The following NAV2 variants were observed in gnomAD, a reference collection of about 807,000 sequenced individuals.
The protein encoded by NAV2 is helicase, APC down-regulated 1.
In NAV2, 54 loss-of-function variants were observed where a neutral mutation model predicts 223.2. The ratio of observed to expected loss-of-function variants is 0.24; its 90% confidence interval spans 0.19 to 0.30. The LOEUF (loss-of-function observed/expected upper bound fraction) is 0.30, where lower values mean the gene tolerates loss of function less well. Among genes scored for constraint, NAV2 ranks in the 10% least tolerant of loss-of-function variants. NAV2 has a pLI of 1.00. For synonymous variants in NAV2, 1,279 were observed against 1,239.3 expected, an observed-to-expected ratio of 1.03 and a Z score of -0.67; for missense variants, 2,806 against 3,147.5, an observed-to-expected ratio of 0.89 and a Z score of 2.60.
chr11:19,712,972 A>G lies in NAV2; in HGVS notation c.-724A>G, dbSNP rs1319486384. Among the ~76,000 whole-genome samples the G allele has an allele frequency of 6.6e-6, 1 of 151,986 alleles. No homozygotes were observed. Among genetic ancestry groups the G allele is most frequent in the African/African-American group, 2.4e-5 (1 of 41,424 alleles). ...GCCCCACGGCCACAGCCTTGCCTCT[A>G]TCTAGCTCACGGAGCATGTGCAGAC... On this transcript the variant is annotated 5_prime_UTR_variant, in exon 1 of 38. Transcript: ENST00000349880.
intron 1 of NAV2, among the ~76,000 whole-genome samples, chr11:19,629,870 G>C (rs988133461): frequency 6.6e-6 from 1 of 152,124 alleles, no homozygotes; most frequent in East Asian, 1.9e-4. Flanking sequence ...CTCCAGCTCT[G>C]GCTAAGTCCT....
chr11:19,965,070 C>T (rs933929838), intron 10 of NAV2, among the ~76,000 whole-genome samples: 3 of 152,084 alleles, frequency 2.0e-5, no homozygotes, highest in African/African-American at 7.2e-5. Flanking sequence ...CCACCCCACT[C>T]AGCCTCCCAA....
chr11:19,454,172 G>T (rs1402983804), intron 1 of NAV2, among the ~76,000 whole-genome samples: 1 of 152,212 alleles, frequency 6.6e-6, no homozygotes, highest in Non-Finnish European at 1.5e-5. Context: ...CAAGTCCCAA[G>T]TTGGAGCACA....
intron 30 of NAV2, among the ~76,000 whole-genome samples, chr11:20,097,136 G>T (rs1218556860): frequency 1.3e-5 from 2 of 152,174 alleles, no homozygotes; most frequent in Admixed American, 6.5e-5. Flanking sequence ...TTTTCTAGCA[G>T]TCTGCATTTT....
At chr11:19,638,188 C>T (rs897345803) in intron 1 of NAV2, among the ~76,000 whole-genome samples, 1 of 152,140 alleles carries the variant, frequency 6.6e-6, no homozygotes, top group African/African-American at 2.4e-5. Context: ...CACGATTGAT[C>T]CAGGAGTGAG....
chr11:19,835,814 T>C (rs1172356623), intron 2 of NAV2, among the ~76,000 whole-genome samples: 2 of 151,972 alleles, frequency 1.3e-5, no homozygotes, highest in Non-Finnish European at 2.9e-5. Context: ...TTTCCCAGAA[T>C]TGGAATCTTA....
intron 1 of NAV2, among the ~76,000 whole-genome samples, chr11:19,762,642 T>C (rs1047756130): frequency 7.3e-6 from 1 of 136,824 alleles, no homozygotes; most frequent in African/African-American, 2.7e-5. Context: ...TGAGATGACA[T>C]CTCACTCTGT....
chr11:19,550,978 A>G (rs2134647555), intron 1 of NAV2, among the ~76,000 whole-genome samples: 1 of 152,380 alleles, frequency 6.6e-6, no homozygotes, highest in Admixed American at 6.5e-5. Context: ...AGGTATAAAG[A>G]TGACTGCAAA....
intron 3 of NAV2, among the ~76,000 whole-genome samples, chr11:19,844,104 C>T: frequency 6.6e-6 from 1 of 152,124 alleles, no homozygotes; most frequent in Admixed American, 6.5e-5. Context: ...TAGGAAAGTC[C>T]CCAGGCTGAC....
intron 1 of NAV2, among the ~76,000 whole-genome samples, chr11:19,602,270 C>T (rs910395024): frequency 2.6e-5 from 4 of 151,652 alleles, no homozygotes; most frequent in Admixed American, 1.3e-4. Flanking sequence ...CTCCGCCTCC[C>T]GAGTTCAGGC....
chr11:19,556,396 C>T (rs2044891548), intron 1 of NAV2, among the ~76,000 whole-genome samples: 1 of 152,176 alleles, frequency 6.6e-6, no homozygotes, highest in Admixed American at 6.6e-5. Flanking sequence ...CTGACTGCAA[C>T]AATATGAACG....
At chr11:19,397,424 C>CGCGT (rs1564904910) in intron 1 of NAV2, among the ~76,000 whole-genome samples, 3 of 33,204 alleles carry the variant, frequency 9.0e-5, no homozygotes, top group East Asian at 2.4e-3. Context: ...TGTGTGCGCG[C>CGCGT]ATGTGTGTGT....
intron 1 of NAV2, among the ~76,000 whole-genome samples, chr11:19,704,608 A>G (rs1444328599): frequency 1.3e-5 from 2 of 152,218 alleles, no homozygotes; most frequent in Non-Finnish European, 2.9e-5. Context: ...TGTATGTAAA[A>G]TGCTTACCTT....
chr11:19,885,505 T>C (rs183062148), intron 5 of NAV2, among the ~76,000 whole-genome samples: 200 of 152,366 alleles, frequency 1.3e-3, no homozygotes, highest in Non-Finnish European at 2.3e-3. Flanking sequence ...GTATTTATTT[T>C]TCATTGAATT....
intron 3 of NAV2, among the ~76,000 whole-genome samples, chr11:19,856,192 C>G (rs929183608): frequency 3.3e-5 from 5 of 152,174 alleles, no homozygotes; most frequent in African/African-American, 7.2e-5. Flanking sequence ...CATTTGGTAT[C>G]TTGTGGCCTT....
intron 1 of NAV2, among the ~76,000 whole-genome samples, chr11:19,426,265 G>A (rs1850822074): frequency 6.6e-6 from 1 of 152,146 alleles, no homozygotes; most frequent in African/African-American, 2.4e-5. Flanking sequence ...CAAAGAAGGG[G>A]TCAGATGGGT....
chr11:19,758,749 G>A lies in NAV2; in HGVS notation c.267+44787G>A, dbSNP rs536228594. The stretch of plus-strand genomic sequence containing the variant: ...CTGGGGGATTGTGGGTTCCCTCCAC[G>A]CCAGCTCGGGCTGGTTGTGGTGCTG... On this transcript the variant is annotated intron_variant, in intron 1 of 37. Transcript: ENST00000349880. 1.1e-4 allele frequency among the ~76,000 whole-genome samples: 16 copies of A among 152,258 alleles called. No homozygotes were observed. In the South Asian group the frequency reaches 1.7e-3, roughly 16 times the overall value.
intron 11 of NAV2, among the ~76,000 whole-genome samples, chr11:20,010,719 G>C (rs2053495478): frequency 6.6e-6 from 1 of 152,088 alleles, no homozygotes; most frequent in South Asian, 2.1e-4. Flanking sequence ...TCCTAGTTCT[G>C]TGACTGGTTA....
rs2046664466 is a variant in NAV2 at position 19,612,153 on chromosome 11, G to A, written c.76-220331G>A. 3.3e-5 allele frequency among the ~76,000 whole-genome samples: 5 copies of A among 152,334 alleles called. 1 individual carries two copies. Among genetic ancestry groups the A allele is most frequent in the African/African-American group, 1.2e-4 (5 of 41,576 alleles). ...ACATTGGCCCCTTTCAGCCATGGCT[G>A]GAGCAGCTGGAACACAGGGTGCCAA... On this transcript the variant is annotated intron_variant, in intron 1 of 37. Coordinates refer to the NAV2 transcript ENST00000360655.
Sources: gnomAD v4.1 joint callset for allele counts (sites outside exome capture counted in the v4.1 genomes callset) on GRCh38, gnomAD v4.1.1 for gene constraint, MANE v1.5 for transcripts, NCBI Gene and HGNC (gene_info 2026-07-23, HGNC 2026-07-21) for gene names.